Variants in CIBAR1 observed in about 807,000 individuals in gnomAD.
The protein encoded by CIBAR1 is CBY1-interacting BAR domain-containing protein 1.
In CIBAR1, 25 loss-of-function variants were observed where a neutral mutation model predicts 44.0. That is an observed-to-expected ratio of 0.57 (90% CI 0.41 to 0.79). The LOEUF (loss-of-function observed/expected upper bound fraction) is 0.79, where lower values mean the gene tolerates loss of function less well. Among genes scored for constraint, CIBAR1 ranks in the 30% least tolerant of loss-of-function variants. The probability of loss-of-function intolerance (pLI) is 0.00; values close to 1 mark genes in which losing one functional copy is unlikely to be tolerated. For missense variants in CIBAR1, 278 were observed against 344.8 expected (o/e 0.81, Z 1.53); for synonymous variants, 115 against 119.0 (o/e 0.97, Z 0.22).
At chr8:93,720,868 CAAA>C (rs879402541) in intron 7 of CIBAR1, 1 of 141,242 alleles carries the variant, frequency 7.1e-6, no homozygotes, top group Non-Finnish European at 1.6e-5. Flanking sequence ...AGACTCCATC[CAAA>C]AAAAAAAACT....
At chr8:93,709,710 T>C (rs767670231) in intron 5 of CIBAR1, 61 bp from the exon 6 acceptor site, 3 of 1,392,650 alleles carry the variant, frequency 2.2e-6, no homozygotes, top group Non-Finnish European at 3.0e-6. Flanking sequence ...ACCAGTAGGC[T>C]CAATTGAATG....
At chr8:93,710,824 G>A (rs536208519) in intron 6 of CIBAR1, among the ~76,000 whole-genome samples, 11 of 132,972 alleles carry the variant, frequency 8.3e-5, no homozygotes, top group Non-Finnish European at 1.4e-4. Context: ...GTGACAGAGC[G>A]AGACTCTGAC....
At chr8:93,701,054 T>C (rs1810327408) in intron 1 of CIBAR1, 170 bp from the exon 2 acceptor site, 1 of 1,455,012 alleles carries the variant, frequency 6.9e-7, no homozygotes, top group Admixed American at 2.7e-5. Flanking sequence ...GTCCGGATAG[T>C]GAGGTCAGGA....
In CIBAR1 at chr8:93,729,763, G is replaced by GT. The variant is rs1241080087; in HGVS notation, c.*1467dup. 1 of 152,156 alleles carries GT rather than the reference G, an allele frequency of 6.6e-6. No individual in the cohort carries two copies. Among genetic ancestry groups the GT allele is most frequent in the Non-Finnish European group, 1.5e-5 (1 of 68,028 alleles). 9.4% of individuals were successfully genotyped at this position (152,156 alleles called of 1,614,324 possible). A position where few individuals can be genotyped will look rare whatever the true frequency, so the allele number is the denominator to read the frequency against. On this transcript the variant is annotated 3_prime_UTR_variant, in exon 9 of 9. Transcript: ENST00000518322. ...ATTATACAGGTAACTATGTAACCAT[G>GT]TAAGACTTAAGTACACTTAAAAAAT... is the stretch of plus-strand genomic sequence containing the variant.
chr8:93,701,440 G>A lies in CIBAR1; in HGVS notation c.243G>A (p.Gln81=). Residue 81 remains glutamine, a synonymous_variant, in exon 2 of 9, where the codon CAG becomes CAA. Transcript: ENST00000518322. ...MNFADEFAKL[Q]DYRQAEVERL... Reference sequence around the variant, plus strand: ...TTGCAGATGAGTTTGCCAAACTTCAGGATTATCGACAAGCAGAGGTATGGA... The same window carrying A: ...TTGCAGATGAGTTTGCCAAACTTCAAGATTATCGACAAGCAGAGGTATGGA... 5.0e-6 allele frequency: 8 copies of A among 1,613,386 alleles called. No homozygotes were observed. The highest frequency in any genetic ancestry group is 6.8e-6 in the Non-Finnish European group (8 of 1,179,738).
At position 93,709,881 on chromosome 8, in the gene CIBAR1, A is replaced by C. The variant is rs1250255264; in HGVS notation, c.543+6A>C. 1 of 1,587,724 alleles carries C rather than the reference A, an allele frequency of 6.3e-7. No homozygotes were observed. Among genetic ancestry groups the C allele is most frequent in the African/African-American group, 1.3e-5 (1 of 74,584 alleles). Reference sequence around the variant, plus strand: ...AGAAAATGAAGGATATAAAGGTAATAAAGTAACTGTTAGGGTTCAAAACAT... The same window carrying C: ...AGAAAATGAAGGATATAAAGGTAATCAAGTAACTGTTAGGGTTCAAAACAT... On this transcript the variant is annotated splice_donor_region_variant and intron_variant, in intron 6 of 8. Coordinates refer to ENST00000518322, the MANE Select transcript of CIBAR1 (RefSeq NM_145269.5).
rs986513475 is a variant in CIBAR1 at position 93,700,561 on chromosome 8, G to T, written c.-87G>T. 6 of 1,374,590 alleles carry T rather than the reference G, an allele frequency of 4.4e-6. No individual in the cohort carries two copies. The highest frequency in any genetic ancestry group is 4.7e-6 in the Non-Finnish European group (5 of 1,062,782). The allele number at this position is 1,374,590 out of a possible 1,614,324, so 85.1% of individuals were successfully genotyped here. A position where few individuals can be genotyped will look rare whatever the true frequency, so the allele number is the denominator to read the frequency against. On this transcript the variant is annotated 5_prime_UTR_variant, in exon 1 of 9. Coordinates refer to ENST00000518322, the MANE Select transcript of CIBAR1 (RefSeq NM_145269.5). Reference sequence around the variant, plus strand: ...AGGGGCGGGCTTTCAGGCTCCCGGCGGCTGCTTGCGCCCCAGCGCGCGCCC... The same window carrying T: ...AGGGGCGGGCTTTCAGGCTCCCGGCTGCTGCTTGCGCCCCAGCGCGCGCCC...
At position 93,729,082 on chromosome 8, in the gene CIBAR1, A is replaced by G. The variant is rs1811683107; in HGVS notation, c.*785A>G. The G allele has an allele frequency of 6.6e-6, 1 of 152,140 alleles. No individual in the cohort carries two copies. Among genetic ancestry groups the G allele is most frequent in the South Asian group, 2.1e-4 (1 of 4,836 alleles). 9.4% of individuals were successfully genotyped at this position (152,140 alleles called of 1,614,324 possible). ...AGTCACTTTTATTTCTGAAAATATA[A>G]AACATTGAGCCTTTCAGTGTATCTG... On this transcript the variant is annotated 3_prime_UTR_variant, in exon 9 of 9. Coordinates refer to ENST00000518322, the MANE Select transcript of CIBAR1 (RefSeq NM_145269.5).
At chr8:93,710,022 T>TAAGC (rs1810759528) in intron 6 of CIBAR1, 147 bp downstream of exon 6, 1 of 612,790 alleles carries the variant, frequency 1.6e-6, no homozygotes, top group Non-Finnish European at 2.8e-6. Flanking sequence ...CAGTGGCTTA[T>TAAGC]GCCTGTAATC....
intron 7 of CIBAR1, chr8:93,719,438 T>C (rs1811159919): frequency 2.0e-5 from 3 of 152,248 alleles, no homozygotes; most frequent in Admixed American, 1.3e-4. Context: ...GTTTACATCA[T>C]GCACAATGCC....
Position 93,701,413 on chromosome 8 carries a change from C to T in CIBAR1, c.216C>T (p.Asn72=), listed in dbSNP as rs1446319851. The change falls in exon 2 of 9, where the codon AAC becomes AAT. Residue 72 remains asparagine (N), a synonymous_variant. Transcript: ENST00000518322. The part of the protein sequence containing the change: ...ETPHLKLGLM[N]FADEFAKLQD... ...CGCATTTAAAGCTGGGCCTGATGAACTTTGCAGATGAGTTTGCCAAACTTC... is the reference window on the plus strand; with the variant it reads ...CGCATTTAAAGCTGGGCCTGATGAATTTTGCAGATGAGTTTGCCAAACTTC... The T allele has an allele frequency of 3.7e-6, 6 of 1,613,742 alleles. No individual in the cohort carries two copies. Among genetic ancestry groups the T allele is most frequent in the Non-Finnish European group, 4.2e-6 (5 of 1,179,860 alleles).
chr8:93,724,717 A>G (rs372840641), intron 7 of CIBAR1: 3 of 1,083,394 alleles, frequency 2.8e-6, no homozygotes, highest in African/African-American at 1.7e-5. Context: ...TTAGGCATAT[A>G]TAACTATTTA....
At chr8:93,722,024 A>G (rs936296030) in intron 7 of CIBAR1, among the ~76,000 whole-genome samples, 1 of 152,206 alleles carries the variant, frequency 6.6e-6, no homozygotes, top group Non-Finnish European at 1.5e-5. Context: ...GTTGAGAATC[A>G]TGGCATGTCA....
intron 7 of CIBAR1, 45 bp from the exon 8 acceptor site, chr8:93,726,349 T>A (rs1811500701): frequency 6.6e-7 from 1 of 1,504,300 alleles, no homozygotes; most frequent in East Asian, 2.4e-5. Flanking sequence ...CTGTCTTGAT[T>A]TTGTTTAGCA....
intron 3 of CIBAR1, among the ~76,000 whole-genome samples, chr8:93,704,202 G>A (rs1055707424): frequency 6.6e-6 from 1 of 151,984 alleles, no homozygotes. Flanking sequence ...ACATTATTAT[G>A]GAAACTTTAA....
chr8:93,711,584 T>C (rs1263531763), intron 6 of CIBAR1, among the ~76,000 whole-genome samples: 44 of 152,164 alleles, frequency 2.9e-4, no homozygotes, highest in Non-Finnish European at 1.5e-5. Context: ...TTATAATTGC[T>C]GACATTCCCT....
chr8:93,710,132 C>T (rs1810763760), intron 6 of CIBAR1, among the ~76,000 whole-genome samples: 2 of 151,870 alleles, frequency 1.3e-5, no homozygotes, highest in African/African-American at 2.4e-5. Flanking sequence ...AAAAAACTAG[C>T]CAGGTGTGGT....
chr8:93,723,073 T>G (rs970870382), intron 7 of CIBAR1, among the ~76,000 whole-genome samples: 7 of 152,316 alleles, frequency 4.6e-5, no homozygotes, highest in East Asian at 3.9e-4. Context: ...CTCCACTCAC[T>G]GCAAGCTCCG....
chr8:93,700,955 C>A, intron 1 of CIBAR1: 2 of 1,374,298 alleles, frequency 1.5e-6, no homozygotes, highest in Non-Finnish European at 1.9e-6. Context: ...GCCGGGCGCC[C>A]AGGCCGCGCT....
Sources: allele counts gnomAD v4.1 joint callset (sites outside exome capture counted in the v4.1 genomes callset), GRCh38; gene constraint gnomAD v4.1.1; transcripts MANE v1.5; gene names NCBI Gene and HGNC (gene_info 2026-07-23, HGNC 2026-07-21).